Variants in RERG observed in about 807,000 individuals in gnomAD.
The protein encoded by RERG is ras-related and estrogen-regulated growth inhibitor.
A neutral mutation model predicts 23.2 loss-of-function variants in RERG; 25 were observed. That is an observed-to-expected ratio of 1.08 (90% CI 0.79 to 1.50). The LOEUF is 1.50. Among genes scored for constraint, RERG ranks in the 40% most tolerant of loss-of-function variants. The pLI, the probability that RERG is intolerant of heterozygous loss-of-function variation, is 0.00. For synonymous variants in RERG, 81 were observed against 89.1 expected, an observed-to-expected ratio of 0.91 and a Z score of 0.51; for missense variants, 253 against 250.1, an observed-to-expected ratio of 1.01 and a Z score of -0.08.
chr12:15,133,390 A>C (rs1348337667), intron 2 of RERG, among the ~76,000 whole-genome samples: 2 of 151,892 alleles, frequency 1.3e-5, no homozygotes, highest in East Asian at 1.9e-4. Flanking sequence ...TATGCATTTA[A>C]GTTTCCTGCA....
chr12:15,124,789 G>A (rs1487102129), intron 2 of RERG, among the ~76,000 whole-genome samples: 1 of 151,868 alleles, frequency 6.6e-6, no homozygotes, highest in Non-Finnish European at 1.5e-5. Flanking sequence ...TGAGTTGATT[G>A]CATTGGAAAA....
chr12:15,179,302 C>T (rs1472674802), intron 2 of RERG, among the ~76,000 whole-genome samples: 1 of 152,156 alleles, frequency 6.6e-6, no homozygotes, highest in Non-Finnish European at 1.5e-5. Context: ...TCTGCAATCT[C>T]AAAAGCAGTT....
intron 3 of RERG, among the ~76,000 whole-genome samples, chr12:15,114,076 G>T (rs1337454538): frequency 6.6e-6 from 1 of 151,916 alleles, no homozygotes; most frequent in African/African-American, 2.4e-5. Context: ...AATAAGAAAA[G>T]AATTGGCCAC....
chr12:15,141,093 TA>T (rs1481790381), intron 2 of RERG, among the ~76,000 whole-genome samples: 10 of 152,036 alleles, frequency 6.6e-5, no homozygotes, highest in African/African-American at 2.4e-4. Flanking sequence ...TGTTCATTTT[TA>T]TATTTTTCAT....
intron 2 of RERG, among the ~76,000 whole-genome samples, chr12:15,199,814 GCACCT>G (rs1247843571): frequency 1.3e-5 from 2 of 151,974 alleles, no homozygotes; most frequent in Non-Finnish European, 2.9e-5. Context: ...CTGTACCAAT[GCACCT>G]TCATAGAGAA....
At chr12:15,174,475 AGTGT>A (rs35380924) in intron 2 of RERG, among the ~76,000 whole-genome samples, 258 of 148,002 alleles carry the variant, frequency 1.7e-3, no homozygotes, top group Non-Finnish European at 3.0e-3. Flanking sequence ...GAGTTTGTTG[AGTGT>A]GTGTGTGTGT....
chr12:15,211,001 G>C (rs892112335), intron 2 of RERG, among the ~76,000 whole-genome samples: 1 of 152,018 alleles, frequency 6.6e-6, no homozygotes, highest in African/African-American at 2.4e-5. Flanking sequence ...GAAATCAATA[G>C]GATTTCTGGT....
At chr12:15,205,698 C>T (rs767556459) in intron 2 of RERG, among the ~76,000 whole-genome samples, 3 of 151,968 alleles carry the variant, frequency 2.0e-5, no homozygotes, top group Non-Finnish European at 2.9e-5. Flanking sequence ...TTTTTGACTT[C>T]ACCTCTTAAA....
intron 2 of RERG, among the ~76,000 whole-genome samples, chr12:15,203,935 TAGAA>T (rs1184615116): frequency 1.3e-5 from 2 of 151,568 alleles, no homozygotes; most frequent in Non-Finnish European, 3.0e-5. Flanking sequence ...TACAAATAAA[TAGAA>T]AGACATTTTG....
At chr12:15,209,086 C>T (rs150412249) in intron 2 of RERG, among the ~76,000 whole-genome samples, 25 of 152,272 alleles carry the variant, frequency 1.6e-4, no homozygotes, top group African/African-American at 5.8e-4. Flanking sequence ...ACACAAACAG[C>T]CAACTGCTGG....
intron 2 of RERG, among the ~76,000 whole-genome samples, chr12:15,193,393 C>T (rs1865099497): frequency 6.6e-6 from 1 of 152,144 alleles, no homozygotes; most frequent in Admixed American, 6.6e-5. Flanking sequence ...TGCCTCCACC[C>T]TTTCATTTTT....
chr12:15,148,497 G>A (rs1201442742), intron 2 of RERG, among the ~76,000 whole-genome samples: 1 of 152,206 alleles, frequency 6.6e-6, no homozygotes, highest in East Asian at 1.9e-4. Flanking sequence ...ACACAGAGAT[G>A]AGTGTTGCAA....
intron 2 of RERG, among the ~76,000 whole-genome samples, chr12:15,135,062 C>A (rs966102425): frequency 6.6e-6 from 1 of 152,154 alleles, no homozygotes; most frequent in South Asian, 2.1e-4. Flanking sequence ...AAATATTTCA[C>A]CATTTACTTA....
chr12:15,125,996 T>C (rs7311806), intron 2 of RERG, among the ~76,000 whole-genome samples: 95,292 of 150,508 alleles, frequency 0.63, 30,515 homozygotes, highest in Admixed American at 0.73. Flanking sequence ...TACTCTTTCC[T>C]AGCCTCAGGA....
At chr12:15,117,142 C>CTT (rs3084646) in intron 3 of RERG, among the ~76,000 whole-genome samples, 3,800 of 136,800 alleles carry the variant, frequency 0.028, 202 homozygotes, top group African/African-American at 0.09. Flanking sequence ...ACTGATTTAG[C>CTT]TTTTTTTTTT....
chr12:15,159,829 A>G (rs61907968), intron 2 of RERG, among the ~76,000 whole-genome samples: 7,544 of 151,472 alleles, frequency 0.05, 269 homozygotes, highest in East Asian at 0.18. Context: ...GTCTCAAACA[A>G]ACAAACAAAA....
chr12:15,214,033 TGTGTGCGC>T (rs767712555), intron 2 of RERG, among the ~76,000 whole-genome samples: 2,513 of 95,788 alleles, frequency 0.026, 25 homozygotes, highest in South Asian at 0.033. Context: ...TGTGTGTGTG[TGTGTGCGC>T]GTGTGTGGAG....
chr12:15,138,635 A>T (rs2136100330), intron 2 of RERG, among the ~76,000 whole-genome samples: 1 of 152,030 alleles, frequency 6.6e-6, no homozygotes, highest in African/African-American at 2.4e-5. Flanking sequence ...GGCATACTCT[A>T]CCCATTTTTA....
intron 2 of RERG, among the ~76,000 whole-genome samples, chr12:15,141,152 CTTT>C (rs147094991): frequency 7.2e-6 from 1 of 138,256 alleles, no homozygotes; most frequent in African/African-American, 2.7e-5. Context: ...ATTGATGTGT[CTTT>C]TTTTTTTTTT....
Sources: gnomAD v4.1 joint callset for allele counts (sites outside exome capture counted in the v4.1 genomes callset) on GRCh38, gnomAD v4.1.1 for gene constraint, MANE v1.5 for transcripts, NCBI Gene and HGNC (gene_info 2026-07-23, HGNC 2026-07-21) for gene names.